The following CMSS1 variants were observed in gnomAD, a reference collection of about 807,000 sequenced individuals.
The protein encoded by CMSS1 is protein CMSS1.
In CMSS1, 33 loss-of-function variants were observed where a neutral mutation model predicts 43.5. The ratio of observed to expected loss-of-function variants is 0.76; its 90% confidence interval spans 0.57 to 1.01. The LOEUF (loss-of-function observed/expected upper bound fraction) is 1.01. Ranked by LOEUF, CMSS1 falls within the 50% of genes least tolerant of loss-of-function variation. The probability of loss-of-function intolerance (pLI) is 0.00; values close to 1 mark genes in which losing one functional copy is unlikely to be tolerated. For synonymous variants in CMSS1, 115 were observed against 117.2 expected (o/e 0.98, Z 0.12); for missense variants, 313 against 326.4 (o/e 0.96, Z 0.32).
chr3:100,027,373 A>AT (rs1037975920), intron 1 of CMSS1, among the ~76,000 whole-genome samples: 1 of 152,160 alleles, frequency 6.6e-6, no homozygotes, highest in African/African-American at 2.4e-5. Flanking sequence ...CTTAAAAACA[A>AT]TTTTTTTAAC....
chr3:100,167,827 C>T lies in CMSS1; in HGVS notation c.505C>T (p.Leu169=). The change falls in exon 6 of 10, where the codon CTG becomes TTG. Residue 169 remains leucine, a synonymous_variant. Transcript: ENST00000421999. ...LIICSSAVRA[L]ELIRSMTAFR... is the part of the protein sequence containing the mutation. ...CATCTGCAGCTCGGCCGTCCGAGCC[C>T]TGGAGCTCATTAGGTTGGAAGGTTC... The T allele has an allele frequency of 6.2e-7, 1 of 1,610,598 alleles. No individual in the cohort carries two copies. Among genetic ancestry groups the T allele is most frequent in the Non-Finnish European group, 8.5e-7 (1 of 1,178,102 alleles).
intron 1 of CMSS1, among the ~76,000 whole-genome samples, chr3:99,901,104 C>G (rs1706420906): frequency 6.6e-6 from 1 of 152,186 alleles, no homozygotes; most frequent in Non-Finnish European, 1.5e-5. Flanking sequence ...ATACAACATT[C>G]TTTTAACTTG....
At chr3:99,848,592 C>T in intron 1 of CMSS1, 3 of 1,614,176 alleles carry the variant, frequency 1.9e-6, no homozygotes, top group Non-Finnish European at 2.5e-6. Context: ...ATATCGCATG[C>T]TTGGCACTGA....
At chr3:99,975,467 C>G (rs1708941503) in intron 1 of CMSS1, among the ~76,000 whole-genome samples, 1 of 151,940 alleles carries the variant, frequency 6.6e-6, no homozygotes, top group African/African-American at 2.4e-5. Context: ...TGGCGGGCGC[C>G]TGTAATCCCA....
At chr3:99,872,673 G>C (rs560174142) in intron 1 of CMSS1, among the ~76,000 whole-genome samples, 3 of 152,084 alleles carry the variant, frequency 2.0e-5, no homozygotes, top group East Asian at 3.9e-4. Flanking sequence ...GAAATGTGAG[G>C]ACGGTCAGAC....
chr3:99,924,408 A>C, intron 1 of CMSS1: 1 of 1,613,626 alleles, frequency 6.2e-7, no homozygotes, highest in Non-Finnish European at 8.5e-7. Flanking sequence ...ACTTTGTCCA[A>C]CTACGAAAGA....
chr3:99,876,229 T>C (rs1421640450), intron 1 of CMSS1: 5 of 985,158 alleles, frequency 5.1e-6, no homozygotes, highest in African/African-American at 3.5e-5. Context: ...TTCTGCCTTA[T>C]AAGGCGCTCC....
chr3:100,025,677 G>C (rs1460612958), intron 1 of CMSS1: 2 of 152,088 alleles, frequency 1.3e-5, no homozygotes, highest in African/African-American at 4.8e-5. Flanking sequence ...AACATACCAG[G>C]TCGTCCACAG....
intron 1 of CMSS1, among the ~76,000 whole-genome samples, chr3:99,842,124 A>G (rs1459459831): frequency 6.6e-6 from 1 of 152,214 alleles, no homozygotes; most frequent in Non-Finnish European, 1.5e-5. Flanking sequence ...AAAATGTGGT[A>G]TATATACACC....
At chr3:99,973,608 A>C (rs1708885591) in intron 1 of CMSS1, among the ~76,000 whole-genome samples, 2 of 152,322 alleles carry the variant, frequency 1.3e-5, no homozygotes, top group South Asian at 4.1e-4. Context: ...TATAGAATTT[A>C]TACTCACATC....
intron 1 of CMSS1, among the ~76,000 whole-genome samples, chr3:100,108,979 G>A (rs781281070): frequency 4.0e-5 from 6 of 151,734 alleles, no homozygotes; most frequent in Admixed American, 1.3e-4. Flanking sequence ...AGTTTATTGC[G>A]TAGTTTTTGG....
chr3:99,842,544 A>G (rs1349532042), intron 1 of CMSS1, among the ~76,000 whole-genome samples: 2 of 151,732 alleles, frequency 1.3e-5, no homozygotes, highest in Non-Finnish European at 2.9e-5. Context: ...AACCCCTCAA[A>G]TATCATACCA....
intron 1 of CMSS1, among the ~76,000 whole-genome samples, chr3:99,879,274 A>G (rs889747254): frequency 6.6e-6 from 1 of 152,178 alleles, no homozygotes; most frequent in African/African-American, 2.4e-5. Context: ...GGAGATACCA[A>G]CTAGATTTAG....
At chr3:100,106,231 G>A (rs2066393301) in intron 1 of CMSS1, among the ~76,000 whole-genome samples, 1 of 152,120 alleles carries the variant, frequency 6.6e-6, no homozygotes, top group East Asian at 1.9e-4. Flanking sequence ...ACCATTATGA[G>A]CAGAGGTGCA....
At chr3:100,170,989 A>G (rs1278369483) in intron 6 of CMSS1, among the ~76,000 whole-genome samples, 1 of 152,216 alleles carries the variant, frequency 6.6e-6, no homozygotes, top group African/African-American at 2.4e-5. Context: ...TTCTCTAAAA[A>G]TCAGAGAGTC....
intron 1 of CMSS1, among the ~76,000 whole-genome samples, chr3:100,065,413 A>G (rs2065647046): frequency 6.6e-6 from 1 of 152,198 alleles, no homozygotes; most frequent in Non-Finnish European, 1.5e-5. Flanking sequence ...AACTTTGCCT[A>G]AAATCATCCT....
intron 1 of CMSS1, among the ~76,000 whole-genome samples, chr3:99,993,261 G>A (rs967928063): frequency 6.6e-6 from 1 of 151,842 alleles, no homozygotes; most frequent in Non-Finnish European, 1.5e-5. Context: ...TAATAATATT[G>A]ATTCTTCAAT....
chr3:99,849,339 C>G (rs1242019855), intron 1 of CMSS1: 2 of 1,613,990 alleles, frequency 1.2e-6, no homozygotes, highest in African/African-American at 2.7e-5. Context: ...GCCTGAGGCT[C>G]TTACTGAAAT....
At chr3:99,820,486 C>T (rs1041923861) in intron 1 of CMSS1, among the ~76,000 whole-genome samples, 1 of 152,136 alleles carries the variant, frequency 6.6e-6, no homozygotes, top group Non-Finnish European at 1.5e-5. Context: ...TGTGAATCAC[C>T]GCACCCGGCC....
Sources: gnomAD v4.1 joint callset for allele counts (sites outside exome capture counted in the v4.1 genomes callset) on GRCh38, gnomAD v4.1.1 for gene constraint, MANE v1.5 for transcripts, NCBI Gene and HGNC (gene_info 2026-07-23, HGNC 2026-07-21) for gene names.